Variants in RARB observed in about 807,000 individuals in gnomAD.
RARB encodes the protein retinoic acid receptor beta.
A neutral mutation model predicts 51.9 loss-of-function variants in RARB; 17 were observed. The ratio of observed to expected loss-of-function variants is 0.33; its 90% confidence interval spans 0.22 to 0.49. RARB has a LOEUF of 0.49. Among genes scored for constraint, RARB ranks in the 20% least tolerant of loss-of-function variants. The pLI is 0.99. For synonymous variants in RARB, 215 were observed against 195.4 expected (o/e 1.10, Z -0.84); for missense variants, 369 against 550.8 (o/e 0.67, Z 3.30).
rs1575065012 is a variant in RARB, at chr3:24,906,529, A to G, written c.-380+47777A>G. 2.0e-5 allele frequency among the ~76,000 whole-genome samples: 3 copies of G among 152,232 alleles called. No homozygotes were observed. In the Middle Eastern group the frequency reaches 0.01, roughly 518 times the overall value. On this transcript the variant is annotated intron_variant, in intron 2 of 11. Transcript: ENST00000383772. ...CATTTTGGGAAGGCTAACTTCTCTAATCTTCAAGATTCCTATCTTTAAAGC... is the reference window on the plus strand; with the variant it reads ...CATTTTGGGAAGGCTAACTTCTCTAGTCTTCAAGATTCCTATCTTTAAAGC...
chr3:25,081,790 G>A (rs1444034258), intron 3 of RARB, among the ~76,000 whole-genome samples: 7 of 149,656 alleles, frequency 4.7e-5, no homozygotes, highest in Non-Finnish European at 1.0e-4. Flanking sequence ...CCACCAGCTC[G>A]CCCAGCTAAT....
chr3:25,191,227 C>A (rs982780637), intron 5 of RARB, among the ~76,000 whole-genome samples: 6 of 152,122 alleles, frequency 3.9e-5, no homozygotes, highest in South Asian at 2.1e-4. Flanking sequence ...ACAATACTGG[C>A]AGCAATATTG....
chr3:25,418,217 G>C (rs898068076), intron 5 of RARB, among the ~76,000 whole-genome samples: 1 of 152,204 alleles, frequency 6.6e-6, no homozygotes, highest in Non-Finnish European at 1.5e-5. Flanking sequence ...GAAATAGAGA[G>C]AATGGATTTG....
At chr3:25,375,771 C>T (rs538326612) in intron 5 of RARB, among the ~76,000 whole-genome samples, 1 of 152,078 alleles carries the variant, frequency 6.6e-6, no homozygotes, top group Non-Finnish European at 1.5e-5. Context: ...GATGCATGTA[C>T]CATGATCAAA....
At chr3:25,508,878 A>G (rs1178115143) in intron 3 of RARB, among the ~76,000 whole-genome samples, 2 of 146,082 alleles carry the variant, frequency 1.4e-5, no homozygotes, top group Admixed American at 6.9e-5. Flanking sequence ...ATTTGCCTGC[A>G]TCTGTTTAGG....
At chr3:25,506,276 A>AAC (rs1491557008) in intron 3 of RARB, among the ~76,000 whole-genome samples, 2 of 128,270 alleles carry the variant, frequency 1.6e-5, no homozygotes, top group East Asian at 2.5e-4. Context: ...AAAAAAAAAA[A>AAC]CCAGCTCTTT....
chr3:25,400,373 A>T (rs561723375), intron 5 of RARB, among the ~76,000 whole-genome samples: 3 of 152,108 alleles, frequency 2.0e-5, no homozygotes, highest in Non-Finnish European at 4.4e-5. Context: ...TATTCAAGGA[A>T]CTCATGATCT....
intron 5 of RARB, among the ~76,000 whole-genome samples, chr3:25,252,838 C>T (rs1174510253): frequency 6.6e-6 from 1 of 152,164 alleles, no homozygotes; most frequent in African/African-American, 2.4e-5. Context: ...AAGCCCAACA[C>T]ACAAAGTGTG....
chr3:25,385,374 C>G (rs967730071), intron 5 of RARB, among the ~76,000 whole-genome samples: 1 of 152,140 alleles, frequency 6.6e-6, no homozygotes, highest in African/African-American at 2.4e-5. Context: ...CACCCATCAG[C>G]TCAGCTAAAG....
intron 2 of RARB, among the ~76,000 whole-genome samples, chr3:24,879,484 A>T (rs1381259254): frequency 1.5e-4 from 18 of 121,454 alleles, no homozygotes; most frequent in African/African-American, 3.4e-4. Context: ...AAGGATCTCC[A>T]TTTTTTTTTT....
chr3:24,886,607 G>A (rs983393886), intron 2 of RARB, among the ~76,000 whole-genome samples: 7 of 151,858 alleles, frequency 4.6e-5, no homozygotes, highest in African/African-American at 1.7e-4. Flanking sequence ...ACCACGCCTG[G>A]CTAATTTTAA....
intron 2 of RARB, among the ~76,000 whole-genome samples, chr3:25,469,837 G>T (rs551322922): frequency 3.9e-5 from 6 of 152,356 alleles, no homozygotes; most frequent in Admixed American, 3.9e-4. Context: ...CAGAAAACAT[G>T]AGAAGCTAGG....
intron 5 of RARB, among the ~76,000 whole-genome samples, chr3:25,298,033 G>C (rs957914662): frequency 1.1e-4 from 16 of 152,114 alleles, no homozygotes; most frequent in African/African-American, 3.9e-4. Context: ...ACTTTCTTTT[G>C]TAATATAGGA....
chr3:24,875,495 T>C (rs1251314245), intron 2 of RARB, among the ~76,000 whole-genome samples: 8 of 152,162 alleles, frequency 5.3e-5, no homozygotes, highest in Admixed American at 4.6e-4. Context: ...AGGTTTATTA[T>C]GAGAATTGAA....
At chr3:25,111,386 A>G (rs913567522) in intron 3 of RARB, among the ~76,000 whole-genome samples, 1 of 152,138 alleles carries the variant, frequency 6.6e-6, no homozygotes, top group African/African-American at 2.4e-5. Context: ...CACTAGGAAC[A>G]CTGTTACCAC....
chr3:25,076,141 T>G (rs1046664398), intron 3 of RARB, among the ~76,000 whole-genome samples: 3 of 94,888 alleles, frequency 3.2e-5, no homozygotes, highest in African/African-American at 1.0e-4. Context: ...CAGAAGCAGT[T>G]ATTTATTTTT....
chr3:25,011,053 G>T (rs781398932), intron 2 of RARB, among the ~76,000 whole-genome samples: 1 of 152,052 alleles, frequency 6.6e-6, no homozygotes, highest in African/African-American at 2.4e-5. Flanking sequence ...ACCTATATCT[G>T]TTCGATTGTT....
At chr3:25,353,700 T>C (rs1705646172) in intron 5 of RARB, among the ~76,000 whole-genome samples, 1 of 152,060 alleles carries the variant, frequency 6.6e-6, no homozygotes, top group African/African-American at 2.4e-5. Context: ...GATTGACAGA[T>C]ACTTCCATAC....
chr3:25,587,861 G>A (rs894841528), intron 5 of RARB, among the ~76,000 whole-genome samples: 3 of 152,230 alleles, frequency 2.0e-5, no homozygotes, highest in Admixed American at 6.5e-5. Flanking sequence ...AGATGGTTGA[G>A]CAACCTGAGC....
Sources: allele counts gnomAD v4.1 joint callset (sites outside exome capture counted in the v4.1 genomes callset), GRCh38; gene constraint gnomAD v4.1.1; transcripts MANE v1.5; gene names NCBI Gene and HGNC (gene_info 2026-07-23, HGNC 2026-07-21).